The following NUP85 variants were observed in gnomAD, a reference collection of about 807,000 sequenced individuals.
NUP85 encodes nucleoporin 85, also known as nuclear pore complex protein Nup85.
Under a neutral mutation model 92.8 loss-of-function variants are expected in NUP85, and 23 were observed. That is an observed-to-expected ratio of 0.25 (90% CI 0.18 to 0.35). The LOEUF (loss-of-function observed/expected upper bound fraction) is 0.35, where lower values mean the gene tolerates loss of function less well. NUP85 is among the 10% of genes least tolerant of loss of function. NUP85 has a pLI of 1.00. For missense variants in NUP85, 759 were observed against 822.8 expected, an observed-to-expected ratio of 0.92 and a Z score of 0.95; for synonymous variants, 314 against 306.9, an observed-to-expected ratio of 1.02 and a Z score of -0.24.
At chr17:75,234,457 C>T (rs1424470751) in intron 16 of NUP85, among the ~76,000 whole-genome samples, 180 bp from the exon 17 acceptor site, 1 of 152,148 alleles carries the variant, frequency 6.6e-6, no homozygotes, top group East Asian at 1.9e-4. Context: ...GTTTTGAATG[C>T]TCTTGGTCTG....
intron 4 of NUP85, among the ~76,000 whole-genome samples, 185 bp downstream of exon 4, chr17:75,212,247 G>GTTTTTTTTTGTTTTTTTTTTTT (rs2075294230): frequency 2.7e-4 from 1 of 3,670 alleles, no homozygotes; most frequent in African/African-American, 3.4e-4. Flanking sequence ...TTTTGTTGTT[G>GTTTTTTTTTGTTTTTTTTTTTT]TTTTTTTTTT....
intron 7 of NUP85, among the ~76,000 whole-genome samples, chr17:75,221,598 A>G (rs2075600685): frequency 6.6e-6 from 1 of 152,160 alleles, no homozygotes; most frequent in Admixed American, 6.5e-5. Context: ...TGTCCAGTGG[A>G]GATAATAATA....
At chr17:75,235,059 A>C (rs755267938) in intron 17 of NUP85, 41 bp from the exon 18 acceptor site, 1 of 1,516,046 alleles carries the variant, frequency 6.6e-7, no homozygotes, top group Non-Finnish European at 9.2e-7. Context: ...AATGCAGGCC[A>C]GGGCTGGGGG....
Position 75,205,897 on chromosome 17 carries a change from G to C in NUP85, c.33+103G>C, listed in dbSNP as rs576377825. The C allele has an allele frequency of 2.0e-4, 274 of 1,350,126 alleles. 1 individual carries two copies. The East Asian group carries it at 6.5e-3, about 32-fold the overall frequency. 83.6% of individuals were successfully genotyped at this position (1,350,126 alleles called of 1,614,324 possible). A position where few individuals can be genotyped will look rare whatever the true frequency, so the allele number is the denominator to read the frequency against. On this transcript the variant is annotated intron_variant, in intron 1 of 18. Coordinates refer to ENST00000245544, the MANE Select transcript of NUP85 (RefSeq NM_024844.5). ...CTTCCCTAGTGGTCGCGAGGCGCTC[G>C]TCCCCTTCCCTCGACTCAGTTGCCA...
intron 6 of NUP85, among the ~76,000 whole-genome samples, chr17:75,217,492 A>G (rs1301072012): frequency 2.0e-5 from 3 of 151,716 alleles, no homozygotes; most frequent in Non-Finnish European, 2.9e-5. Flanking sequence ...ATGAACTACC[A>G]TGCCCGGCCA....
intron 14 of NUP85, 80 bp downstream of exon 14, chr17:75,232,059 C>G (rs1046483039): frequency 1.3e-6 from 2 of 1,482,568 alleles, no homozygotes; most frequent in Non-Finnish European, 1.8e-6. Flanking sequence ...TATGCCTACC[C>G]CAGCCATCCT....
intron 5 of NUP85, among the ~76,000 whole-genome samples, chr17:75,215,234 A>G (rs963634874): frequency 6.6e-6 from 1 of 152,144 alleles, no homozygotes; most frequent in Admixed American, 6.6e-5. Flanking sequence ...TTAAATTTTG[A>G]GACAAGGTCT....
intron 11 of NUP85, among the ~76,000 whole-genome samples, chr17:75,229,449 T>C (rs2075955488): frequency 6.6e-6 from 1 of 152,118 alleles, no homozygotes; most frequent in African/African-American, 2.4e-5. Context: ...TCCGCAGCGT[T>C]CTCTCGTTTT....
intron 4 of NUP85, 97 bp downstream of exon 4, chr17:75,212,159 A>T: frequency 1.4e-6 from 1 of 715,610 alleles, no homozygotes; most frequent in South Asian, 2.1e-5. Context: ...GTAAAGTTTG[A>T]TTGATATTCC....
chr17:75,209,795 T>TA, intron 2 of NUP85, 28 bp from the exon 3 acceptor site: 1 of 1,563,790 alleles, frequency 6.4e-7, no homozygotes, highest in Non-Finnish European at 8.6e-7. Flanking sequence ...TAATAGATGT[T>TA]AAATTTTTTT....
intron 5 of NUP85, among the ~76,000 whole-genome samples, chr17:75,214,077 C>T (rs886534046): frequency 1.3e-5 from 2 of 151,882 alleles, no homozygotes; most frequent in Non-Finnish European, 2.9e-5. Context: ...ATCTCCTGAC[C>T]TCGTGATCTG....
intron 9 of NUP85, 80 bp from the exon 10 acceptor site, chr17:75,225,618 C>T: frequency 6.3e-7 from 1 of 1,587,426 alleles, no homozygotes; most frequent in Non-Finnish European, 8.6e-7. Context: ...AAATCCGGTG[C>T]CCTTAGCTGA....
chr17:75,222,854 T>C (rs2075637569), intron 7 of NUP85, among the ~76,000 whole-genome samples: 1 of 151,652 alleles, frequency 6.6e-6, no homozygotes, highest in Non-Finnish European at 1.5e-5. Context: ...GCTAACACAG[T>C]GAAACCCCGT....
intron 1 of NUP85, 116 bp from the exon 2 acceptor site, chr17:75,208,411 C>T (rs957943584): frequency 7.1e-6 from 5 of 702,860 alleles, no homozygotes; most frequent in Middle Eastern, 4.2e-4. Context: ...CACCACTGTA[C>T]ACCAGCCTGT....
chr17:75,218,588 GTTTTTT>G (rs67761124), intron 7 of NUP85, among the ~76,000 whole-genome samples: 2 of 82,840 alleles, frequency 2.4e-5, no homozygotes, highest in African/African-American at 9.4e-5. Flanking sequence ...ATACAAAACC[GTTTTTT>G]TTTTTTTTTT....
chr17:75,235,156 G>A lies in NUP85; in HGVS notation c.1824G>A (p.Thr608=), dbSNP rs560582287. ...TGATGCGGTGTCTGGAGGACTTGAC[G>A]TCAAGAAGACCTGTGCATGGAGAAT... ...YELMRCLEDL[T]SRRPVHGESD... The change falls in exon 18 of 19, where the codon ACG becomes ACA. Residue 608 remains threonine (T), a synonymous_variant. Transcript: ENST00000245544. 5.2e-5 allele frequency: 84 copies of A among 1,614,020 alleles called. No homozygotes were observed. Among genetic ancestry groups the A allele is most frequent in the Non-Finnish European group, 6.8e-5 (80 of 1,180,016 alleles).
intron 1 of NUP85, among the ~76,000 whole-genome samples, chr17:75,206,522 G>C (rs951722357): frequency 1.3e-5 from 2 of 152,034 alleles, no homozygotes; most frequent in Non-Finnish European, 2.9e-5. Context: ...TAGTTAAAGA[G>C]GAAGGAGCTA....
intron 5 of NUP85, among the ~76,000 whole-genome samples, chr17:75,213,774 G>A (rs2075342783): frequency 1.3e-5 from 2 of 151,430 alleles, no homozygotes; most frequent in South Asian, 2.1e-4. Flanking sequence ...AGCTGGTCTC[G>A]AACTCTTGGG....
chr17:75,212,087 C>A (rs12946479), intron 4 of NUP85, 25 bp downstream of exon 4: 1 of 1,202,684 alleles, frequency 8.3e-7, no homozygotes, highest in Non-Finnish European at 1.2e-6. Flanking sequence ...CGCGTGCGCG[C>A]GTGTGTGTGT....
Sources: allele counts gnomAD v4.1 joint callset (sites outside exome capture counted in the v4.1 genomes callset), GRCh38; gene constraint gnomAD v4.1.1; transcripts MANE v1.5; gene names NCBI Gene and HGNC (gene_info 2026-07-23, HGNC 2026-07-21).